The following SLC24A3 variants were observed in gnomAD, a reference collection of about 807,000 sequenced individuals.
The protein encoded by SLC24A3 is sodium/potassium/calcium exchanger 3.
In SLC24A3, 28 loss-of-function variants were observed where a neutral mutation model predicts 75.8. The observed-to-expected ratio is 0.37, with a 90% CI of 0.27 to 0.51. The LOEUF is 0.51. SLC24A3 is among the 20% of genes least tolerant of loss of function. The pLI, the probability that SLC24A3 is intolerant of heterozygous loss-of-function variation, is 0.94. For synonymous variants in SLC24A3, 372 were observed against 334.1 expected, an observed-to-expected ratio of 1.11 and a Z score of -1.24; for missense variants, 663 against 847.8, an observed-to-expected ratio of 0.78 and a Z score of 2.71.
chr20:19,296,287 C>A (rs868846258), intron 2 of SLC24A3, among the ~76,000 whole-genome samples: 1,672 of 38,600 alleles, frequency 0.043, 15 homozygotes, highest in East Asian at 0.063. Flanking sequence ...TTTTTTTTTT[C>A]AAAAAAAAAT....
At position 19,459,742 on chromosome 20, in the gene SLC24A3, G is replaced by T. The variant is rs1239686911; in HGVS notation, c.272-55746G>T. On this transcript the variant is annotated intron_variant, in intron 2 of 16. Transcript: ENST00000328041. ...CTGAATATAGGTTTGTGATCTCCAG[G>T]TGGCCTGAGAGAGACTCAGGGAAAC... Among the ~76,000 whole-genome samples the T allele has an allele frequency of 3.3e-5, 5 of 152,198 alleles. No individual in the cohort carries two copies. In the East Asian group the frequency reaches 9.7e-4, roughly 30 times the overall value.
At chr20:19,663,396 GCCTCCT>G (rs1568689481) in intron 7 of SLC24A3, among the ~76,000 whole-genome samples, 1 of 6,260 alleles carries the variant, frequency 1.6e-4, no homozygotes, top group East Asian at 8.9e-3. Flanking sequence ...CTTTGTGGAG[GCCTCCT>G]CCTCCACCTC....
chr20:19,395,593 TA>T (rs1380664851), intron 2 of SLC24A3, among the ~76,000 whole-genome samples: 1 of 152,244 alleles, frequency 6.6e-6, no homozygotes, highest in Non-Finnish European at 1.5e-5. Context: ...AGCAGAGAGA[TA>T]CTCAAATAAT....
At chr20:19,343,735 C>G (rs1985328505) in intron 2 of SLC24A3, among the ~76,000 whole-genome samples, 1 of 152,026 alleles carries the variant, frequency 6.6e-6, no homozygotes, top group Non-Finnish European at 1.5e-5. Context: ...CTAGTTGGAG[C>G]AGAAAGAGGG....
intron 3 of SLC24A3, among the ~76,000 whole-genome samples, chr20:19,537,191 A>C (rs2030414137): frequency 6.6e-6 from 1 of 152,332 alleles, no homozygotes; most frequent in South Asian, 2.1e-4. Context: ...AAAAAAACAA[A>C]CAACCCCATC....
At chr20:19,674,602 T>C (rs1325102691) in intron 9 of SLC24A3, among the ~76,000 whole-genome samples, 13 of 152,242 alleles carry the variant, frequency 8.5e-5, no homozygotes, top group Non-Finnish European at 1.5e-5. Context: ...TTCTACCATA[T>C]TCTGTTTATT....
intron 6 of SLC24A3, among the ~76,000 whole-genome samples, chr20:19,601,664 G>T (rs3790272): frequency 0.52 from 79,325 of 151,896 alleles, 22,175 homozygotes; most frequent in Admixed American, 0.61. Context: ...CTCCTGAGAC[G>T]TCAGAATGTT....
chr20:19,323,474 T>A (rs962510142), intron 2 of SLC24A3, among the ~76,000 whole-genome samples: 2 of 152,096 alleles, frequency 1.3e-5, no homozygotes, highest in African/African-American at 4.8e-5. Flanking sequence ...CTTTTATATT[T>A]AAGATATTTT....
At chr20:19,448,126 G>C (rs182877403) in intron 2 of SLC24A3, among the ~76,000 whole-genome samples, 1 of 152,190 alleles carries the variant, frequency 6.6e-6, no homozygotes, top group South Asian at 2.1e-4. Flanking sequence ...CCAAAATGCC[G>C]GATCCAAGGT....
intron 2 of SLC24A3, among the ~76,000 whole-genome samples, chr20:19,457,448 C>T (rs1222833299): frequency 6.6e-6 from 1 of 152,180 alleles, no homozygotes. Flanking sequence ...GATGAAAATG[C>T]TTTATTGAAT....
chr20:19,215,742 A>T (rs1195646720), intron 1 of SLC24A3, among the ~76,000 whole-genome samples: 2 of 152,232 alleles, frequency 1.3e-5, no homozygotes, highest in Non-Finnish European at 2.9e-5. Flanking sequence ...ATTTCTAATC[A>T]TATGGAATCC....
intron 12 of SLC24A3, among the ~76,000 whole-genome samples, chr20:19,687,478 TG>T (rs1160849870): frequency 1.3e-5 from 2 of 152,334 alleles, no homozygotes; most frequent in African/African-American, 4.8e-5. Flanking sequence ...TAGGGACCTG[TG>T]TCTAGAATTC....
intron 2 of SLC24A3, among the ~76,000 whole-genome samples, chr20:19,332,481 A>G (rs754198789): frequency 3.3e-5 from 5 of 152,140 alleles, no homozygotes; most frequent in South Asian, 2.1e-4. Flanking sequence ...AAGTCACTCA[A>G]TGCCTTTCAG....
At chr20:19,613,329 T>C (rs1053361037) in intron 6 of SLC24A3, among the ~76,000 whole-genome samples, 5 of 152,228 alleles carry the variant, frequency 3.3e-5, no homozygotes, top group Admixed American at 1.3e-4. Flanking sequence ...CAAAATCCAT[T>C]TGGTGGCTGA....
At chr20:19,395,597 C>T (rs952246573) in intron 2 of SLC24A3, among the ~76,000 whole-genome samples, 4 of 152,180 alleles carry the variant, frequency 2.6e-5, no homozygotes, top group Admixed American at 6.5e-5. Context: ...GAGAGATACT[C>T]AAATAATGAC....
chr20:19,694,582 A>C (rs934506069), intron 13 of SLC24A3: 1 of 152,158 alleles, frequency 6.6e-6, no homozygotes, highest in Non-Finnish European at 1.5e-5. Context: ...ATATGCACCA[A>C]GAGCCACCTC....
intron 15 of SLC24A3, among the ~76,000 whole-genome samples, chr20:19,714,403 T>G (rs2033020732): frequency 1.3e-5 from 1 of 78,734 alleles, no homozygotes; most frequent in East Asian, 4.7e-4. Flanking sequence ...AGACCCAGTC[T>G]CTAAAAAAAA....
At chr20:19,628,202 CAAAAAAAAAA>C (rs776701707) in intron 6 of SLC24A3, among the ~76,000 whole-genome samples, 1 of 51,818 alleles carries the variant, frequency 1.9e-5, no homozygotes, top group Non-Finnish European at 4.4e-5. Context: ...GACTCCATCT[CAAAAAAAAAA>C]AAAAAAAAAA....
At chr20:19,531,290 CA>C (rs1301634090) in intron 3 of SLC24A3, among the ~76,000 whole-genome samples, 1 of 152,032 alleles carries the variant, frequency 6.6e-6, no homozygotes, top group East Asian at 1.9e-4. Flanking sequence ...TAAAACAAAG[CA>C]AAAAAGCAGT....
Sources: gnomAD v4.1 joint callset for allele counts (sites outside exome capture counted in the v4.1 genomes callset) on GRCh38, gnomAD v4.1.1 for gene constraint, MANE v1.5 for transcripts, NCBI Gene and HGNC (gene_info 2026-07-23, HGNC 2026-07-21) for gene names.